The following UMODL1 variants were observed in gnomAD, a reference collection of about 807,000 sequenced individuals.
The protein encoded by UMODL1 is uromodulin like 1.
UMODL1 carries 128 observed loss-of-function variants against 136.3 expected under a neutral mutation model. The ratio of observed to expected loss-of-function variants is 0.94; its 90% CI spans 0.81 to 1.09. The LOEUF is 1.09. Ranked by LOEUF, UMODL1 falls within the 50% of genes least tolerant of loss-of-function variation. The probability of loss-of-function intolerance (pLI) is 0.00; values close to 1 mark genes in which losing one functional copy is unlikely to be tolerated. For synonymous variants in UMODL1, 721 were observed against 720.0 expected (o/e 1.00, Z -0.02); for missense variants, 1,766 against 1,725.6 (o/e 1.02, Z -0.41).
At position 42,137,655 on chromosome 21, in the gene UMODL1, G is replaced by C. The variant is rs767105123; in HGVS notation, c.*21+14G>C. The C allele has an allele frequency of 5.9e-5, 39 of 665,004 alleles. No individual in the cohort carries two copies. Among genetic ancestry groups the C allele is most frequent in the African/African-American group, 8.3e-5 (4 of 48,392 alleles). The allele number at this position is 665,004 out of a possible 1,614,324, so 41.2% of individuals were successfully genotyped here. A position where few individuals can be genotyped will look rare whatever the true frequency, so the allele number is the denominator to read the frequency against. ...GCTGACAGGAAGGTGGGTGCGGAGTGGGGTGGGAGGTGCAGGCTGACAGGA... is the reference window on the plus strand; with the variant it reads ...GCTGACAGGAAGGTGGGTGCGGAGTCGGGTGGGAGGTGCAGGCTGACAGGA... On this transcript the variant is annotated intron_variant, in intron 22 of 22. Transcript: ENST00000408910.
At chr21:42,113,926 G>A in intron 13 of UMODL1, 96 bp downstream of exon 13, 1 of 1,465,904 alleles carries the variant, frequency 6.8e-7, no homozygotes, top group Non-Finnish European at 9.2e-7. Flanking sequence ...TTGTTTATGG[G>A]CTGCTAGGTG....
chr21:42,121,076 ATGT>A lies in UMODL1; in HGVS notation c.2690-7_2690-5del, dbSNP rs746774458. 54 of 1,609,914 alleles carry A rather than the reference ATGT, an allele frequency of 3.4e-5. No homozygotes were observed. Among genetic ancestry groups the A allele is most frequent in the African/African-American group, 1.7e-4 (13 of 74,848 alleles). ...GATGTTCTTCTGTTTTGTCTTCTAA[ATGT>A]TGTGCAGATTACGATGAGTGTGAAA... On this transcript the variant is annotated splice_polypyrimidine_tract_variant and splice_region_variant and intron_variant, in intron 15 of 22. Transcript: ENST00000408910.
At chr21:42,136,054 G>A (rs2067201163) in intron 21 of UMODL1, among the ~76,000 whole-genome samples, 1 of 152,152 alleles carries the variant, frequency 6.6e-6, no homozygotes, top group Admixed American at 6.5e-5. Flanking sequence ...GGTGCAGGAT[G>A]TGGCTGTGAC....
At chr21:42,135,899 C>T (rs1381510900) in intron 21 of UMODL1, among the ~76,000 whole-genome samples, 1 of 152,138 alleles carries the variant, frequency 6.6e-6, no homozygotes, top group Non-Finnish European at 1.5e-5. Flanking sequence ...CACACAGCAG[C>T]GTCCACTCTG....
At chr21:42,063,544 T>C (rs2146400172) in intron 1 of UMODL1, among the ~76,000 whole-genome samples, 1 of 152,324 alleles carries the variant, frequency 6.6e-6, no homozygotes, top group Non-Finnish European at 1.5e-5. Context: ...GTGGTGAAGG[T>C]CCTTCCTCCT....
chr21:42,081,242 G>A (rs2839461), intron 2 of UMODL1, among the ~76,000 whole-genome samples: 20,946 of 152,158 alleles, frequency 0.14, 1,536 homozygotes, highest in South Asian at 0.22. Flanking sequence ...CCGACCAGGC[G>A]AAGAGGCCCC....
chr21:42,077,636 A>G (rs960915794), intron 2 of UMODL1, among the ~76,000 whole-genome samples: 5 of 152,242 alleles, frequency 3.3e-5, no homozygotes, highest in African/African-American at 7.2e-5. Flanking sequence ...TCGCCACAGT[A>G]TCTTATCAGT....
chr21:42,104,093 G>A lies in UMODL1; in HGVS notation c.1519+6G>A. The A allele has an allele frequency of 6.2e-7, 1 of 1,601,578 alleles. No homozygotes were observed. Among genetic ancestry groups the A allele is most frequent in the Non-Finnish European group, 8.5e-7 (1 of 1,171,182 alleles). Reference sequence around the variant, plus strand: ...GCAGGGGACACGCGTGCAAGGTATGGCCCAGCCACCCGCCCTGCTGCCTGG... The same window carrying A: ...GCAGGGGACACGCGTGCAAGGTATGACCCAGCCACCCGCCCTGCTGCCTGG... On this transcript the variant is annotated splice_donor_region_variant and intron_variant, in intron 9 of 22. Coordinates refer to ENST00000408910, the MANE Select transcript of UMODL1 (RefSeq NM_001004416.3).
rs915992610 is a variant in UMODL1, at chr21:42,122,835, C to A, written c.2832C>A (p.Asp944Glu). 11 of 1,593,618 alleles carry A rather than the reference C, an allele frequency of 6.9e-6. No individual in the cohort carries two copies. Among genetic ancestry groups the A allele is most frequent in the Non-Finnish European group, 8.6e-6 (10 of 1,167,482 alleles). The change falls in exon 17 of 23, where the codon GAC becomes GAA. Residue 944 changes from aspartate to glutamate, a missense_variant. Transcript: ENST00000408910. The surrounding 1 kb of genome is among the most constrained non-coding windows in gnomAD (Gnocchi z 4.3). ...VEYSERPCEG[D>E]SPGNETWATS... Reference sequence around the variant, plus strand: ...TTTCCTCCTTGTGCCTTGCAGGTGACTCTCCTGGCAATGAAACCTGGGCCA... The same window carrying A: ...TTTCCTCCTTGTGCCTTGCAGGTGAATCTCCTGGCAATGAAACCTGGGCCA...
At chr21:42,068,289 G>A (rs141049137), upstream of UMODL1, among the ~76,000 whole-genome samples, 779 of 152,312 alleles carry the variant, frequency 5.1e-3, 4 homozygotes, top group South Asian at 0.032. The surrounding 1 kb of genome is among the most constrained non-coding windows in gnomAD (Gnocchi z 5.5). Flanking sequence ...ATGCCGGGGG[G>A]CCTATCCTCC....
chr21:42,137,336 C>G, intron 21 of UMODL1, 103 bp from the exon 22 acceptor site: 1 of 1,435,170 alleles, frequency 7.0e-7, no homozygotes, highest in Non-Finnish European at 9.6e-7. Context: ...CTTGCATTCC[C>G]CGTGCTTCAG....
intron 6 of UMODL1, chr21:42,093,455 G>A (rs1404236302): frequency 6.3e-6 from 1 of 159,024 alleles, no homozygotes; most frequent in African/African-American, 2.4e-5. Flanking sequence ...CCAGCCTCAA[G>A]AGATCCTTCC....
At chr21:42,125,625 C>T (rs1197845996) in intron 17 of UMODL1, among the ~76,000 whole-genome samples, 1 of 152,182 alleles carries the variant, frequency 6.6e-6, no homozygotes, top group Non-Finnish European at 1.5e-5. Flanking sequence ...CGAGCGTTGG[C>T]AGCAGGGGGG....
Position 42,085,274 on chromosome 21 carries a change from T to A in UMODL1, c.482-17T>A, listed in dbSNP as rs747335121. 1 of 1,613,126 alleles carries A rather than the reference T, an allele frequency of 6.2e-7. No individual in the cohort carries two copies. Among genetic ancestry groups the A allele is most frequent in the Non-Finnish European group, 8.5e-7 (1 of 1,179,414 alleles). On this transcript the variant is annotated splice_polypyrimidine_tract_variant and intron_variant, in intron 3 of 22. Transcript: ENST00000408910. This position sits in a 1 kb window ranked among gnomAD's most constrained non-coding sequence, Gnocchi z 4.5. ...CCTGTCCTGGGTCCATAATCATCAG[T>A]GTTTTCCCTTGTGTAGCTCCAGAGA...
intron 1 of UMODL1, 94 bp downstream of exon 1, chr21:42,071,486 G>A (rs1569137044): frequency 1.6e-6 from 2 of 1,286,210 alleles, no homozygotes; most frequent in East Asian, 5.9e-5. Context: ...GACCTGGGCA[G>A]GCAAGGACGC....
At chr21:42,126,844 T>A (rs1369117771) in intron 18 of UMODL1, among the ~76,000 whole-genome samples, 162 bp from the exon 19 acceptor site, 2 of 152,118 alleles carry the variant, frequency 1.3e-5, no homozygotes, top group Admixed American at 1.3e-4. Context: ...CAGCCAGCCC[T>A]GAATAAATGG....
intron 21 of UMODL1, among the ~76,000 whole-genome samples, chr21:42,134,973 T>C (rs1392244729): frequency 6.6e-6 from 1 of 152,154 alleles, no homozygotes; most frequent in Non-Finnish European, 1.5e-5. Context: ...AACGTGCAGG[T>C]TGTTACATAG....
intron 6 of UMODL1, among the ~76,000 whole-genome samples, chr21:42,092,001 G>A (rs1323248099): frequency 2.6e-5 from 4 of 152,244 alleles, no homozygotes; most frequent in African/African-American, 4.8e-5. Flanking sequence ...GGCGTGCGCA[G>A]CAAGGTCAGC....
chr21:42,119,193 G>A lies in UMODL1; in HGVS notation c.2558G>A (p.Gly853Asp). 6.2e-7 allele frequency: 1 copy of A among 1,614,212 alleles called. No individual in the cohort carries two copies. Among genetic ancestry groups the A allele is most frequent in the Non-Finnish European group, 8.5e-7 (1 of 1,180,022 alleles). Reference sequence around the variant, plus strand: ...ATGGAAGTCGTCAGCGTCACCAACGGCAGCATCGTGGTGGAGTTTCACTTG... The same window carrying A: ...ATGGAAGTCGTCAGCGTCACCAACGACAGCATCGTGGTGGAGTTTCACTTG... ...VRMEVVSVTN[G>D]SIVVEFHLLI... The change falls in exon 15 of 23, where the codon GGC becomes GAC. Residue 853 changes from glycine to aspartate, a missense_variant. Coordinates refer to ENST00000408910, the MANE Select transcript of UMODL1 (RefSeq NM_001004416.3).
Sources: allele counts gnomAD v4.1 joint callset (sites outside exome capture counted in the v4.1 genomes callset), GRCh38; gene constraint gnomAD v4.1.1; non-coding constraint Gnocchi (gnomAD v3.1); transcripts MANE v1.5; gene names NCBI Gene and HGNC (gene_info 2026-07-23, HGNC 2026-07-21).